LHFPL3: variants seen among roughly 807,000 people sequenced by gnomAD.
LHFPL3 encodes the protein LHFPL tetraspan subfamily member 3.
A neutral mutation model predicts 19.3 loss-of-function variants in LHFPL3; 5 were observed. The observed-to-expected ratio is 0.26, with a 90% CI of 0.14 to 0.54. The LOEUF is 0.54. Ranked by LOEUF, LHFPL3 falls within the 20% of genes least tolerant of loss-of-function variation. The pLI, the probability that LHFPL3 is intolerant of heterozygous loss-of-function variation, is 0.94. For missense variants in LHFPL3, 249 were observed against 307.4 expected, an observed-to-expected ratio of 0.81 and a Z score of 1.42; for synonymous variants, 133 against 126.2, an observed-to-expected ratio of 1.05 and a Z score of -0.36.
At chr7:104,352,028 T>G (rs887294059) in intron 1 of LHFPL3, among the ~76,000 whole-genome samples, 8 of 151,890 alleles carry the variant, frequency 5.3e-5, no homozygotes, top group African/African-American at 1.9e-4. Flanking sequence ...ACGAGACCCA[T>G]CTCTACAAAA....
chr7:104,597,816 A>G (rs924814632), intron 1 of LHFPL3, among the ~76,000 whole-genome samples: 8 of 152,184 alleles, frequency 5.3e-5, no homozygotes, highest in East Asian at 1.9e-4. Flanking sequence ...TGAAAAAGCT[A>G]TGCATGAATT....
chr7:104,544,268 A>G (rs924978631), intron 1 of LHFPL3, among the ~76,000 whole-genome samples: 8 of 152,168 alleles, frequency 5.3e-5, no homozygotes, highest in African/African-American at 1.9e-4. Flanking sequence ...AGTAAATGAA[A>G]ATAACTCCAA....
intron 1 of LHFPL3, among the ~76,000 whole-genome samples, chr7:104,341,988 C>T (rs1789964117): frequency 6.6e-6 from 1 of 152,216 alleles, no homozygotes; most frequent in South Asian, 2.1e-4. Flanking sequence ...AATATTTCTG[C>T]AGCCCCTTGC....
chr7:104,349,232 T>A lies in LHFPL3; in HGVS notation c.445+20008T>A, dbSNP rs1790130154. Among the ~76,000 whole-genome samples the A allele has an allele frequency of 2.0e-5, 3 of 152,360 alleles. No individual in the cohort carries two copies. The South Asian group carries it at 6.2e-4, about 32-fold the overall frequency. ...TCAAAATATAGCAGCATCAATTTGC[T>A]GCTTTGCAGAGCAATAATAAAGTGG... On this transcript the variant is annotated intron_variant, in intron 1 of 2. Coordinates refer to ENST00000424859, the MANE Select transcript of LHFPL3 (RefSeq NM_199000.3).
At chr7:104,877,167 C>A (rs1038158535) in intron 2 of LHFPL3, among the ~76,000 whole-genome samples, 2 of 152,084 alleles carry the variant, frequency 1.3e-5, no homozygotes, top group African/African-American at 4.8e-5. Context: ...TGGAGATATA[C>A]CTAATGTTAA....
intron 1 of LHFPL3, among the ~76,000 whole-genome samples, chr7:104,581,856 C>T (rs557928361): frequency 1.8e-4 from 28 of 152,038 alleles, no homozygotes; most frequent in Non-Finnish European, 2.4e-4. Flanking sequence ...TCTATTCTTA[C>T]GCCATTACCA....
At chr7:104,697,206 T>C (rs1320971181) in intron 1 of LHFPL3, among the ~76,000 whole-genome samples, 1 of 152,162 alleles carries the variant, frequency 6.6e-6, no homozygotes, top group African/African-American at 2.4e-5. Context: ...CATTGGGGGT[T>C]AAGATTCCAA....
chr7:104,406,443 G>A (rs1791413624), intron 1 of LHFPL3, among the ~76,000 whole-genome samples: 1 of 151,402 alleles, frequency 6.6e-6, no homozygotes, highest in South Asian at 2.1e-4. Context: ...CTATGTGCCA[G>A]GAAATTAATA....
chr7:104,879,415 CA>C (rs111671847), intron 2 of LHFPL3, among the ~76,000 whole-genome samples: 48 of 142,546 alleles, frequency 3.4e-4, no homozygotes, highest in African/African-American at 4.4e-4. Context: ...GACCCTGTCT[CA>C]AAAAAAAAAA....
chr7:104,430,549 A>G (rs1791982599), intron 1 of LHFPL3, among the ~76,000 whole-genome samples: 1 of 135,124 alleles, frequency 7.4e-6, no homozygotes. Flanking sequence ...GCTCACTGCA[A>G]GCTCCGCCTG....
intron 1 of LHFPL3, among the ~76,000 whole-genome samples, chr7:104,423,109 A>G (rs1162678445): frequency 6.6e-6 from 1 of 152,166 alleles, no homozygotes; most frequent in Non-Finnish European, 1.5e-5. Context: ...TCAGTGTGTC[A>G]GGAGGTGATG....
chr7:104,526,468 A>G (rs1056047851), intron 1 of LHFPL3, among the ~76,000 whole-genome samples: 2 of 152,242 alleles, frequency 1.3e-5, no homozygotes, highest in African/African-American at 4.8e-5. Context: ...CAAATGGCAA[A>G]TTCATTAGCT....
intron 1 of LHFPL3, among the ~76,000 whole-genome samples, chr7:104,608,196 C>T (rs1329634733): frequency 1.3e-5 from 2 of 151,900 alleles, no homozygotes; most frequent in Non-Finnish European, 1.5e-5. Context: ...CACATGCACA[C>T]GTATGTTTAT....
At chr7:104,502,579 T>C (rs775858792) in intron 1 of LHFPL3, among the ~76,000 whole-genome samples, 178 of 152,266 alleles carry the variant, frequency 1.2e-3, no homozygotes, top group Non-Finnish European at 9.0e-4. Context: ...TTACAGAAGA[T>C]TGTGCTTGTG....
At chr7:104,824,558 AATT>A (rs1790772832) in intron 2 of LHFPL3, among the ~76,000 whole-genome samples, 1 of 73,766 alleles carries the variant, frequency 1.4e-5, no homozygotes, top group Non-Finnish European at 2.3e-5. Flanking sequence ...TATAATATAT[AATT>A]ATATATATTA....
At chr7:104,810,932 CTGTAGA>C (rs759620662) in intron 2 of LHFPL3, among the ~76,000 whole-genome samples, 53 of 152,312 alleles carry the variant, frequency 3.5e-4, no homozygotes, top group Non-Finnish European at 5.4e-4. Context: ...GTTGTTGTCA[CTGTAGA>C]TGCCAAAATA....
chr7:104,791,376 A>G (rs770008228), intron 2 of LHFPL3, among the ~76,000 whole-genome samples: 2 of 152,230 alleles, frequency 1.3e-5, no homozygotes, highest in Non-Finnish European at 2.9e-5. Context: ...AAGCATAGAG[A>G]AAGGATTCCT....
chr7:104,657,939 A>C (rs1202640327), intron 1 of LHFPL3, among the ~76,000 whole-genome samples: 1 of 152,238 alleles, frequency 6.6e-6, no homozygotes, highest in Non-Finnish European at 1.5e-5. Context: ...AATTACAGTG[A>C]TATGTGGGTC....
Position 104,888,971 on chromosome 7 carries a change from G to A in LHFPL3, c.683-17216G>A, listed in dbSNP as rs892250408. Among the ~76,000 whole-genome samples, 5 of 152,232 alleles carry A rather than the reference G, an allele frequency of 3.3e-5. No individual in the cohort carries two copies. The South Asian group carries it at 6.2e-4, about 19-fold the overall frequency. ...AAAAGAAGTTACATGATAGCTTCAC[G>A]TCAAGGAGAGATGAGTTGAATCTGA... On this transcript the variant is annotated intron_variant, in intron 2 of 2. Coordinates refer to ENST00000424859, the MANE Select transcript of LHFPL3 (RefSeq NM_199000.3).
Sources: gnomAD v4.1 joint callset for allele counts (sites outside exome capture counted in the v4.1 genomes callset) on GRCh38, gnomAD v4.1.1 for gene constraint, MANE v1.5 for transcripts, NCBI Gene and HGNC (gene_info 2026-07-23, HGNC 2026-07-21) for gene names.